The following TLR4 variants were observed in gnomAD, a reference collection of about 807,000 sequenced individuals.
TLR4 encodes toll-like receptor 4.
TLR4 carries 17 observed loss-of-function variants against 27.4 expected under a neutral mutation model. The ratio of observed to expected loss-of-function variants is 0.62; its 90% CI spans 0.42 to 0.93. TLR4 has a LOEUF of 0.93. TLR4 is among the 40% of genes least tolerant of loss of function. The probability of loss-of-function intolerance (pLI) is 0.00; values close to 1 mark genes in which losing one functional copy is unlikely to be tolerated. For synonymous variants in TLR4, 363 were observed against 365.7 expected (o/e 0.99, Z 0.08); for missense variants, 926 against 962.3 (o/e 0.96, Z 0.50).
intron 1 of TLR4, among the ~76,000 whole-genome samples, chr9:117,706,493 G>A (rs968895892): frequency 2.6e-5 from 4 of 152,138 alleles, no homozygotes; most frequent in Admixed American, 1.3e-4. Flanking sequence ...GCCGCTAGAT[G>A]TGTAAGTGAT....
At position 117,718,489 on chromosome 9, in the gene TLR4, C is replaced by T. The variant is rs960841451; in HGVS notation, c.*3841C>T. 4 of 152,014 alleles carry T rather than the reference C, an allele frequency of 2.6e-5. No individual in the cohort carries two copies. The highest frequency in any genetic ancestry group is 4.2e-4 in the South Asian group (2 of 4,806). 9.4% of individuals were successfully genotyped at this position (152,014 alleles called of 1,614,324 possible). On this transcript the variant is annotated 3_prime_UTR_variant, in exon 3 of 3. Transcript: ENST00000355622. ...ATCAATAATAAGTAGAAAATCTGGA[C>T]ATAGAATAAAAAGAGGAGAGAAAGA...
chr9:117,721,367 C>T lies in TLR4; in HGVS notation c.*6719C>T, dbSNP rs1829421191. 6.6e-6 allele frequency: 1 copy of T among 152,326 alleles called. No individual in the cohort carries two copies. The highest frequency in any genetic ancestry group is 2.1e-4 in the South Asian group (1 of 4,834). The allele number at this position is 152,326 out of a possible 1,614,324, so 9.4% of individuals were successfully genotyped here. ...GTATTTTCTATCCCAAGATCGGTTC[C>T]TTGATCTTGTGTCTCCAAATCACTT... On this transcript the variant is annotated 3_prime_UTR_variant, in exon 3 of 3. Transcript: ENST00000355622.
At position 117,713,043 on chromosome 9, in the gene TLR4, T is replaced by C; in HGVS notation, c.915T>C (p.Asn305=). 1 of 1,614,048 alleles carries C rather than the reference T, an allele frequency of 6.2e-7. No homozygotes were observed. Among genetic ancestry groups the C allele is most frequent in the South Asian group, 1.1e-5 (1 of 91,060 alleles). Residue 305 remains asparagine, a synonymous_variant, in exon 3 of 3, where the codon AAT becomes AAC. Transcript: ENST00000355622. The part of the protein sequence containing the change: ...YYLDDIIDLF[N]CLTNVSSFSL... ...TCGATGATATTATTGACTTATTTAATTGTTTGACAAATGTTTCTTCATTTT... is the reference window on the plus strand; with the variant it reads ...TCGATGATATTATTGACTTATTTAACTGTTTGACAAATGTTTCTTCATTTT...
At chr9:117,707,256 T>C (rs1305268246) in intron 1 of TLR4, among the ~76,000 whole-genome samples, 1 of 152,202 alleles carries the variant, frequency 6.6e-6, no homozygotes, top group East Asian at 1.9e-4. Flanking sequence ...GACATACGAA[T>C]GAAGATCTGC....
intron 1 of TLR4, among the ~76,000 whole-genome samples, chr9:117,705,402 T>A (rs1485389920): frequency 6.6e-6 from 1 of 152,178 alleles, no homozygotes; most frequent in Non-Finnish European, 1.5e-5. Flanking sequence ...AATCAAGTAA[T>A]ATTTAGCAAA....
rs1379796524 is a variant in TLR4, at chr9:117,719,422, T to A, written c.*4774T>A. On this transcript the variant is annotated 3_prime_UTR_variant, in exon 3 of 3. Coordinates refer to ENST00000355622, the MANE Select transcript of TLR4 (RefSeq NM_138554.5). The stretch of plus-strand genomic sequence containing the variant: ...GAAGCAGGGCTTCTAAATACTGTTC[T>A]ATGGCAAGAGCACCCTGCTCTCACA... The A allele has an allele frequency of 3.9e-5, 6 of 152,178 alleles. No homozygotes were observed. The highest frequency in any genetic ancestry group is 1.5e-5 in the Non-Finnish European group (1 of 68,024). The allele number at this position is 152,178 out of a possible 1,614,324, so 9.4% of individuals were successfully genotyped here. A position where few individuals can be genotyped will look rare whatever the true frequency, so the allele number is the denominator to read the frequency against.
chr9:117,718,386 ATGAT>A lies in TLR4; in HGVS notation c.*3740_*3743del, dbSNP rs1829383514. The stretch of plus-strand genomic sequence containing the variant: ...TATGCATATATGTTATACATACCAA[ATGAT>A]TTATTTATAACCCTATCTTTCCATA... On this transcript the variant is annotated 3_prime_UTR_variant, in exon 3 of 3. Transcript: ENST00000355622. 6.6e-6 allele frequency: 1 copy of A among 152,170 alleles called. No individual in the cohort carries two copies. Among genetic ancestry groups the A allele is most frequent in the Non-Finnish European group, 1.5e-5 (1 of 68,034 alleles). 9.4% of individuals were successfully genotyped at this position (152,170 alleles called of 1,614,324 possible).
intron 1 of TLR4, among the ~76,000 whole-genome samples, chr9:117,706,555 GC>G (rs1798008319): frequency 6.6e-6 from 1 of 152,046 alleles, no homozygotes; most frequent in Non-Finnish European, 1.5e-5. Flanking sequence ...TCCTGATCTG[GC>G]TTGCCCTCTT....
chr9:117,706,054 CTAT>C (rs1202347514), intron 1 of TLR4, among the ~76,000 whole-genome samples: 2 of 151,272 alleles, frequency 1.3e-5, no homozygotes, highest in African/African-American at 2.4e-5. Flanking sequence ...ATATATTTAC[CTAT>C]TATTGATATT....
rs746058336 is a variant in TLR4 at position 117,724,049 on chromosome 9, T to C, written c.*9401T>C. On this transcript the variant is annotated 3_prime_UTR_variant, in exon 3 of 3. Transcript: ENST00000355622. ...TCCTGCTTTCTTTCTTGAAATGCCA[T>C]TCATGATGGTCCCTTATATCACTAT... The C allele has an allele frequency of 3.9e-5, 6 of 152,232 alleles. No individual in the cohort carries two copies. Among genetic ancestry groups the C allele is most frequent in the Non-Finnish European group, 8.8e-5 (6 of 68,046 alleles). The allele number at this position is 152,232 out of a possible 1,614,324, so 9.4% of individuals were successfully genotyped here. A position where few individuals can be genotyped will look rare whatever the true frequency, so the allele number is the denominator to read the frequency against.
Position 117,712,742 on chromosome 9 carries a change from A to C in TLR4, c.614A>C (p.Asn205Thr). 2 of 1,614,044 alleles carry C rather than the reference A, an allele frequency of 1.2e-6. No individual in the cohort carries two copies. The highest frequency in any genetic ancestry group is 8.5e-7 in the Non-Finnish European group (1 of 1,180,004). ...LRVLHQMPLL[N>T]LSLDLSLNPM... ...GTTCTACATCAAATGCCCCTACTCA[A>C]TCTCTCTTTAGACCTGTCCCTGAAC... The change falls in exon 3 of 3, where the codon AAT becomes ACT. Residue 205 changes from asparagine to threonine, a missense_variant. Transcript: ENST00000355622.
At position 117,721,351 on chromosome 9, in the gene TLR4, A is replaced by C. The variant is rs1829420890; in HGVS notation, c.*6703A>C. On this transcript the variant is annotated 3_prime_UTR_variant, in exon 3 of 3. Transcript: ENST00000355622. ...ATGGAACTGGAGAAGAGTATTTTCT[A>C]TCCCAAGATCGGTTCCTTGATCTTG... The C allele has an allele frequency of 6.6e-6, 1 of 152,332 alleles. No homozygotes were observed. Among genetic ancestry groups the C allele is most frequent in the African/African-American group, 2.4e-5 (1 of 41,454 alleles). The allele number at this position is 152,332 out of a possible 1,614,324, so 9.4% of individuals were successfully genotyped here.
At position 117,712,564 on chromosome 9, in the gene TLR4, A is replaced by G. The variant is rs1472391447; in HGVS notation, c.436A>G (p.Ile146Val). ...TNLASLENFPIGHLKTLKELN... is the reference protein window; with the variant it reads ...TNLASLENFPVGHLKTLKELN... ...TCTAGCATCTCTAGAGAACTTCCCC[A>G]TTGGACATCTCAAAACTTTGAAAGA... Residue 146 changes from isoleucine to valine, a missense_variant, in exon 3 of 3, where the codon ATT becomes GTT. By Grantham distance (29) the Ile-to-Val change is conservative. Coordinates refer to ENST00000355622, the MANE Select transcript of TLR4 (RefSeq NM_138554.5). The G allele has an allele frequency of 4.3e-6, 7 of 1,613,976 alleles. No individual in the cohort carries two copies. Among genetic ancestry groups the G allele is most frequent in the Admixed American group, 1.7e-5 (1 of 59,986 alleles).
At chr9:117,708,955 G>A in intron 2 of TLR4, 2 of 515,576 alleles carry the variant, frequency 3.9e-6, no homozygotes, top group South Asian at 2.3e-5. Flanking sequence ...GCTTCTAAGG[G>A]CAATTCTAAT....
In TLR4 at chr9:117,722,215, T is replaced by C. The variant is rs1829430880; in HGVS notation, c.*7567T>C. 1 of 152,204 alleles carries C rather than the reference T, an allele frequency of 6.6e-6. No homozygotes were observed. The highest frequency in any genetic ancestry group is 2.1e-4 in the South Asian group (1 of 4,822). 9.4% of individuals were successfully genotyped at this position (152,204 alleles called of 1,614,324 possible). On this transcript the variant is annotated 3_prime_UTR_variant, in exon 3 of 3. Coordinates refer to ENST00000355622, the MANE Select transcript of TLR4 (RefSeq NM_138554.5). Reference sequence around the variant, plus strand: ...TGCTAAGTATTCATCTTGCCTTGAGTACTAAGATTCCAAAAATGACTTTCC... The same window carrying C: ...TGCTAAGTATTCATCTTGCCTTGAGCACTAAGATTCCAAAAATGACTTTCC...
Position 117,713,458 on chromosome 9 carries a change from C to T in TLR4, c.1330C>T (p.Leu444=). ...LKQMSEFSVF[L]SLRNLIYLDI... ...ACAAATGAGTGAGTTTTCAGTATTC[C>T]TATCACTCAGAAACCTCATTTACCT... Residue 444 remains leucine, a synonymous_variant, in exon 3 of 3, where the codon CTA becomes TTA. Coordinates refer to ENST00000355622, the MANE Select transcript of TLR4 (RefSeq NM_138554.5). 1 of 1,614,058 alleles carries T rather than the reference C, an allele frequency of 6.2e-7. No homozygotes were observed.
rs1829388132 is a variant in TLR4 at position 117,718,703 on chromosome 9, G to T, written c.*4055G>T. On this transcript the variant is annotated 3_prime_UTR_variant, in exon 3 of 3. Transcript: ENST00000355622. ...CTATGACTTTGTAAGGTTGCTCTAA[G>T]GATTGAAAATCATGTATTATGTTCA... is the stretch of plus-strand genomic sequence containing the variant. 1 of 152,098 alleles carries T rather than the reference G, an allele frequency of 6.6e-6. No homozygotes were observed. 9.4% of individuals were successfully genotyped at this position (152,098 alleles called of 1,614,324 possible).
chr9:117,723,031 T>C lies in TLR4; in HGVS notation c.*8383T>C, dbSNP rs990664809. 1 of 152,190 alleles carries C rather than the reference T, an allele frequency of 6.6e-6. No homozygotes were observed. Among genetic ancestry groups the C allele is most frequent in the Admixed American group, 6.5e-5 (1 of 15,282 alleles). 9.4% of individuals were successfully genotyped at this position (152,190 alleles called of 1,614,324 possible). On this transcript the variant is annotated 3_prime_UTR_variant, in exon 3 of 3. Coordinates refer to ENST00000355622, the MANE Select transcript of TLR4 (RefSeq NM_138554.5). ...ATTTTGAAGGTGTCACAAGAAAGATTGGCAGTCAGAAAGGAATGAACCAAA... is the reference window on the plus strand; with the variant it reads ...ATTTTGAAGGTGTCACAAGAAAGATCGGCAGTCAGAAAGGAATGAACCAAA...
intron 2 of TLR4, among the ~76,000 whole-genome samples, chr9:117,711,772 T>C (rs1564264838): frequency 6.6e-6 from 1 of 152,230 alleles, no homozygotes; most frequent in Non-Finnish European, 1.5e-5. Context: ...TGAACTCTTA[T>C]AGCACATAAT....
Sources: gnomAD v4.1 joint callset for allele counts (sites outside exome capture counted in the v4.1 genomes callset) on GRCh38, gnomAD v4.1.1 for gene constraint, MANE v1.5 for transcripts, NCBI Gene and HGNC (gene_info 2026-07-23, HGNC 2026-07-21) for gene names.